PDSS2: variants seen among roughly 807,000 people sequenced by gnomAD.
PDSS2 encodes the protein decaprenyl diphosphate synthase subunit 2.
In PDSS2, 31 loss-of-function variants were observed where a neutral mutation model predicts 44.5. The ratio of observed to expected loss-of-function variants is 0.70; its 90% confidence interval spans 0.52 to 0.94. PDSS2 has a LOEUF of 0.94. Ranked by LOEUF, PDSS2 falls within the 40% of genes least tolerant of loss-of-function variation. The pLI is 0.00. For missense variants in PDSS2, 452 were observed against 482.2 expected, an observed-to-expected ratio of 0.94 and a Z score of 0.59; for synonymous variants, 157 against 180.3, an observed-to-expected ratio of 0.87 and a Z score of 1.03.
At chr6:107,360,448 C>A (rs1404595647) in intron 1 of PDSS2, among the ~76,000 whole-genome samples, 1 of 152,154 alleles carries the variant, frequency 6.6e-6, no homozygotes, top group Admixed American at 6.5e-5. Flanking sequence ...GAATTAGTGA[C>A]CAAATGTGAG....
chr6:107,388,447 A>ATTTTTTTT (rs147100917), intron 1 of PDSS2, among the ~76,000 whole-genome samples: 1 of 137,272 alleles, frequency 7.3e-6, no homozygotes, highest in African/African-American at 2.7e-5. Context: ...GTGCATGTGA[A>ATTTTTTTT]TTTTTTTTTT....
intron 4 of PDSS2, among the ~76,000 whole-genome samples, chr6:107,224,146 T>C (rs117461976): frequency 6.6e-6 from 1 of 151,268 alleles, no homozygotes; most frequent in East Asian, 1.9e-4. Context: ...TGAGGTAAAG[T>C]GGGGATTGAG....
At chr6:107,298,417 T>C (rs1403838954) in intron 2 of PDSS2, among the ~76,000 whole-genome samples, 1 of 152,172 alleles carries the variant, frequency 6.6e-6, no homozygotes, top group Non-Finnish European at 1.5e-5. Flanking sequence ...CTGAAGATGA[T>C]ATGAAGCATA....
intron 2 of PDSS2, among the ~76,000 whole-genome samples, chr6:107,302,415 G>A (rs1281846455): frequency 3.3e-5 from 5 of 150,086 alleles, no homozygotes; most frequent in African/African-American, 7.3e-5. Context: ...CTGGGACCAC[G>A]GGTGCATGCC....
chr6:107,240,382 T>C (rs1042205729), intron 4 of PDSS2, among the ~76,000 whole-genome samples: 3 of 150,378 alleles, frequency 2.0e-5, no homozygotes, highest in South Asian at 2.1e-4. Flanking sequence ...GTCTGGATGA[T>C]AGAGTGAGAC....
At chr6:107,401,751 T>C (rs956100382) in intron 1 of PDSS2, among the ~76,000 whole-genome samples, 1 of 151,864 alleles carries the variant, frequency 6.6e-6, no homozygotes. Flanking sequence ...CAAAATACAG[T>C]TGAAAGCTTC....
At chr6:107,354,008 T>C (rs1404651362) in intron 1 of PDSS2, among the ~76,000 whole-genome samples, 3 of 152,228 alleles carry the variant, frequency 2.0e-5, no homozygotes, top group Non-Finnish European at 2.9e-5. Context: ...TCTGCCAGTA[T>C]ATCAATAAAA....
At chr6:107,324,318 T>C (rs1777473016) in intron 2 of PDSS2, among the ~76,000 whole-genome samples, 1 of 152,208 alleles carries the variant, frequency 6.6e-6, no homozygotes, top group South Asian at 2.1e-4. Flanking sequence ...CTGAGATATC[T>C]TTAGGAAATT....
intron 1 of PDSS2, among the ~76,000 whole-genome samples, chr6:107,373,130 TG>T (rs916258731): frequency 6.6e-6 from 1 of 151,900 alleles, no homozygotes; most frequent in African/African-American, 2.4e-5. Flanking sequence ...ACTACAGGCG[TG>T]TGCCACCATG....
At chr6:107,346,392 A>G (rs1778249539) in intron 1 of PDSS2, among the ~76,000 whole-genome samples, 2 of 152,308 alleles carry the variant, frequency 1.3e-5, no homozygotes, top group South Asian at 4.1e-4. Context: ...CATTTTGTTG[A>G]TCAGGATACT....
intron 2 of PDSS2, among the ~76,000 whole-genome samples, chr6:107,286,143 A>AAAAAAAAAG (rs1776140246): frequency 6.6e-6 from 1 of 151,370 alleles, no homozygotes. Context: ...AAATAAAAAA[A>AAAAAAAAAG]AAAAAAAGGA....
intron 1 of PDSS2, among the ~76,000 whole-genome samples, chr6:107,364,086 T>G (rs1382402876): frequency 6.6e-6 from 1 of 152,240 alleles, no homozygotes; most frequent in Non-Finnish European, 1.5e-5. Flanking sequence ...AACCTTGAGC[T>G]AAACACAGGG....
intron 4 of PDSS2, among the ~76,000 whole-genome samples, chr6:107,236,139 A>C (rs938715713): frequency 2.0e-5 from 3 of 152,358 alleles, no homozygotes; most frequent in Admixed American, 2.0e-4. Flanking sequence ...ATGATAATCT[A>C]TTTATGACTA....
chr6:107,391,906 A>G (rs1453797263), intron 1 of PDSS2, among the ~76,000 whole-genome samples: 2 of 32,844 alleles, frequency 6.1e-5, no homozygotes, highest in African/African-American at 1.1e-4. Flanking sequence ...AAAAGGGGGG[A>G]AAAATCACCC....
chr6:107,212,412 T>G (rs1773252748), intron 4 of PDSS2, 130 bp from the exon 5 acceptor site: 1 of 703,772 alleles, frequency 1.4e-6, no homozygotes, highest in Non-Finnish European at 2.3e-6. Flanking sequence ...AAGACAGAAC[T>G]AAAAGATGCC....
At chr6:107,348,677 A>C (rs932529245) in intron 1 of PDSS2, among the ~76,000 whole-genome samples, 4 of 152,344 alleles carry the variant, frequency 2.6e-5, no homozygotes, top group Non-Finnish European at 2.9e-5. Flanking sequence ...AAATGTTTCC[A>C]TCAGTACAAA....
chr6:107,395,834 A>G (rs894767258), intron 1 of PDSS2, among the ~76,000 whole-genome samples: 2 of 152,000 alleles, frequency 1.3e-5, no homozygotes, highest in African/African-American at 4.8e-5. Context: ...CAAGTAGTTG[A>G]TTTTATGTTG....
chr6:107,192,390 G>A (rs1160334081), intron 7 of PDSS2: 11 of 508,404 alleles, frequency 2.2e-5, no homozygotes, highest in Non-Finnish European at 2.4e-5. Context: ...GAAAGGCCCA[G>A]GGAAAAAGTC....
chr6:107,259,433 T>C (rs1032634139), intron 3 of PDSS2, among the ~76,000 whole-genome samples: 4 of 151,700 alleles, frequency 2.6e-5, no homozygotes, highest in African/African-American at 9.7e-5. Flanking sequence ...GAGGCCAAGG[T>C]GGGCGGATCA....
Sources: gnomAD v4.1 joint callset for allele counts (sites outside exome capture counted in the v4.1 genomes callset) on GRCh38, gnomAD v4.1.1 for gene constraint, MANE v1.5 for transcripts, NCBI Gene and HGNC (gene_info 2026-07-23, HGNC 2026-07-21) for gene names.